Variants in EXD3 observed in about 807,000 individuals in gnomAD.
EXD3 encodes the protein exonuclease 3'-5' domain containing 3.
Under a neutral mutation model 98.0 loss-of-function variants are expected in EXD3, and 92 were observed. The observed-to-expected ratio is 0.94, with a 90% CI of 0.79 to 1.12. The LOEUF (loss-of-function observed/expected upper bound fraction) is 1.12. EXD3 is among the 50% of genes most tolerant of loss of function. EXD3 has a pLI of 0.00. For missense variants in EXD3, 1,222 were observed against 1,191.6 expected (o/e 1.03, Z -0.38); for synonymous variants, 569 against 526.0 (o/e 1.08, Z -1.12).
chr9:137,367,818 G>T, intron 6 of EXD3, 118 bp downstream of exon 6: 2 of 991,638 alleles, frequency 2.0e-6, no homozygotes, highest in African/African-American at 1.6e-5. Flanking sequence ...GCCCCCGATG[G>T]CCCTGCTGTC....
At chr9:137,370,130 G>C (rs1835515584) in intron 5 of EXD3, among the ~76,000 whole-genome samples, 1 of 152,120 alleles carries the variant, frequency 6.6e-6, no homozygotes, top group Non-Finnish European at 1.5e-5. Flanking sequence ...GGGGCTGGGG[G>C]GTGGCTAGTA....
intron 7 of EXD3, among the ~76,000 whole-genome samples, chr9:137,364,320 T>A (rs1835117810): frequency 6.6e-6 from 1 of 151,956 alleles, no homozygotes; most frequent in South Asian, 2.1e-4. Context: ...CTAGGAAAAA[T>A]TTTAAAAATC....
Position 137,323,849 on chromosome 9 carries a change from G to A in EXD3, c.2060C>T (p.Ala687Val). 4.4e-6 allele frequency: 7 copies of A among 1,608,390 alleles called. No homozygotes were observed. The South Asian group carries it at 6.6e-5, about 15-fold the overall frequency. The change falls in exon 19 of 22, where the codon GCC becomes GTC. Residue 687 changes from alanine to valine, a missense_variant. Ala to Val is a moderately conservative substitution (Grantham distance 64). Transcript: ENST00000340951. ...TSGQPFHKLR[A>V]QVGAGRCLSV... Reference sequence around the variant, plus strand: ...GAGGCAGCGCCCAGCCCCGACCTGGGCCCGGAGCTGCAAAGACACGGCTCG... The same window carrying A: ...GAGGCAGCGCCCAGCCCCGACCTGGACCCGGAGCTGCAAAGACACGGCTCG...
intron 1 of EXD3, among the ~76,000 whole-genome samples, chr9:137,417,198 C>T (rs1838276518): frequency 6.6e-6 from 1 of 152,142 alleles, no homozygotes; most frequent in Non-Finnish European, 1.5e-5. Context: ...GGGAGACACA[C>T]GGGTCTGGAC....
Position 137,307,637 on chromosome 9 carries a change from GCCTC to G in EXD3, c.2284_2287del (p.Glu762ProfsTer59). On this transcript the variant is annotated frameshift_variant, in exon 21 of 22. Transcript: ENST00000340951. LOFTEE classifies it low-confidence loss of function (END_TRUNC). The stretch of plus-strand genomic sequence containing the variant: ...CTCCTGCACCGCCTGGCTCTGGGTG[GCCTC>G]GTCACCTGTCAGTCAAGGAAGAGAG... The G allele has an allele frequency of 6.2e-7, 1 of 1,609,888 alleles. No homozygotes were observed. Among genetic ancestry groups the G allele is most frequent in the Admixed American group, 1.7e-5 (1 of 59,994 alleles).
chr9:137,373,076 G>C lies in EXD3; in HGVS notation c.295-4C>G. 1.9e-6 allele frequency: 3 copies of C among 1,561,372 alleles called. No homozygotes were observed. The highest frequency in any genetic ancestry group is 2.6e-6 in the Non-Finnish European group (3 of 1,157,622). ...GCTGCTTCAGCCTCAGGCTGTGCTGGAAGAGCAGGGACCCAGACTTACTGG... is the reference window on the plus strand; with the variant it reads ...GCTGCTTCAGCCTCAGGCTGTGCTGCAAGAGCAGGGACCCAGACTTACTGG... On this transcript the variant is annotated splice_polypyrimidine_tract_variant and splice_region_variant and intron_variant, in intron 4 of 21. Transcript: ENST00000340951.
At position 137,351,400 on chromosome 9, in the gene EXD3, C is replaced by G; in HGVS notation, c.1302G>C (p.Ser434=). 1.9e-6 allele frequency: 3 copies of G among 1,610,080 alleles called. No individual in the cohort carries two copies. The highest frequency in any genetic ancestry group is 2.2e-5 in the South Asian group (2 of 90,500). ...GGGCTCCCTGCCCTGTTGGTGGCTG[C>G]GAGAGTGCCAGGACGTCCAGAAGGA... ...HVFLLDVLAL[S]QPPTGQGAQA... is the part of the protein sequence containing the mutation. The change falls in exon 13 of 22, where the codon TCG becomes TCC. Residue 434 remains serine, a synonymous_variant. Coordinates refer to ENST00000340951, the MANE Select transcript of EXD3 (RefSeq NM_017820.5).
In EXD3 at chr9:137,348,304, A is replaced by G. The variant is rs563531041; in HGVS notation, c.1831-66T>C. 6 of 1,503,792 alleles carry G rather than the reference A, an allele frequency of 4.0e-6. No individual in the cohort carries two copies. In the African/African-American group the frequency reaches 8.4e-5, roughly 21 times the overall value. The allele number at this position is 1,503,792 out of a possible 1,614,324, so 93.2% of individuals were successfully genotyped here. On this transcript the variant is annotated intron_variant, in intron 16 of 21. Transcript: ENST00000340951. ...CAGCCCCTCACAGCCTCAGAGAGCCAGGGCCCTGAGGCTGTGTGGCCAGCA... is the reference window on the plus strand; with the variant it reads ...CAGCCCCTCACAGCCTCAGAGAGCCGGGGCCCTGAGGCTGTGTGGCCAGCA...
At chr9:137,330,172 GCTACACGGGA>G (rs1272858761) in intron 17 of EXD3, among the ~76,000 whole-genome samples, 14 of 121,590 alleles carry the variant, frequency 1.2e-4, no homozygotes, top group Non-Finnish European at 2.0e-4. Context: ...CTACACCGGA[GCTACACGGGA>G]CTACACAGGA....
chr9:137,335,604 C>T (rs778284688), intron 17 of EXD3, among the ~76,000 whole-genome samples: 72 of 152,092 alleles, frequency 4.7e-4, no homozygotes, highest in African/African-American at 1.7e-3. Flanking sequence ...CACTTGAACC[C>T]GGGAGGCGGA....
chr9:137,349,371 G>T lies in EXD3; in HGVS notation c.1655C>A (p.Ala552Glu). The T allele has an allele frequency of 6.3e-7, 1 of 1,587,540 alleles. No homozygotes were observed. Residue 552 changes from alanine (A) to glutamate (E), a missense_variant and splice_region_variant, in exon 15 of 22, where the codon GCA (alanine) becomes GAA (glutamate). Coordinates refer to ENST00000340951, the MANE Select transcript of EXD3 (RefSeq NM_017820.5). This position sits in a 1 kb window ranked among gnomAD's most constrained non-coding sequence, Gnocchi z 7.4. ...CTCCCACCCGCCGCACCGCACACCTGCGTAGATGACCTGCTCCTCGCAGAG... is the reference window on the plus strand; with the variant it reads ...CTCCCACCCGCCGCACCGCACACCTTCGTAGATGACCTGCTCCTCGCAGAG... Reference protein sequence around the residue: ...RPLCEEQVIYAAADAYCLLEV... With the variant: ...RPLCEEQVIYEAADAYCLLEV...
rs1393565828 is a variant in EXD3 at position 137,348,383 on chromosome 9, C to A, written c.1831-145G>T. ...AAAACTGTGTGTGCTGTGCATAAAA[C>A]AGCAGAAACGCAGACAAAATGCAGT... On this transcript the variant is annotated intron_variant, in intron 16 of 21. Coordinates refer to ENST00000340951, the MANE Select transcript of EXD3 (RefSeq NM_017820.5). 39 of 1,027,616 alleles carry A rather than the reference C, an allele frequency of 3.8e-5. 1 individual carries two copies. In the South Asian group the frequency reaches 4.8e-4, roughly 13 times the overall value. 63.7% of individuals were successfully genotyped at this position (1,027,616 alleles called of 1,614,324 possible).
chr9:137,318,323 AC>A (rs1414822464), intron 19 of EXD3, among the ~76,000 whole-genome samples: 1 of 150,652 alleles, frequency 6.6e-6, no homozygotes, highest in Non-Finnish European at 1.5e-5. Flanking sequence ...GGCTGCCGGC[AC>A]CCCCCCTCGT....
At chr9:137,404,860 TA>T (rs34702081) in intron 1 of EXD3, among the ~76,000 whole-genome samples, 39 of 147,166 alleles carry the variant, frequency 2.7e-4, no homozygotes, top group Middle Eastern at 3.4e-3. Context: ...AGCTCTGTCT[TA>T]AAAAAAAAAA....
chr9:137,322,622 A>AC (rs34552001), intron 19 of EXD3, among the ~76,000 whole-genome samples: 4 of 70,594 alleles, frequency 5.7e-5, no homozygotes, highest in Admixed American at 1.5e-4. Context: ...CTCACCCCGG[A>AC]CCACGAGGGA....
At chr9:137,380,859 G>A (rs955340580) in intron 3 of EXD3, among the ~76,000 whole-genome samples, 21 of 150,366 alleles carry the variant, frequency 1.4e-4, no homozygotes, top group Non-Finnish European at 2.5e-4. Flanking sequence ...GACCATCTTG[G>A]GAAGCCGAGG....
chr9:137,308,631 AC>A (rs1831185245), intron 20 of EXD3, among the ~76,000 whole-genome samples: 2 of 123,910 alleles, frequency 1.6e-5, no homozygotes, highest in Non-Finnish European at 3.4e-5. Flanking sequence ...ACTTGGACTG[AC>A]CCTTTTTTTT....
intron 2 of EXD3, among the ~76,000 whole-genome samples, chr9:137,388,296 C>T (rs962639396): frequency 2.2e-4 from 34 of 151,780 alleles, no homozygotes; most frequent in East Asian, 3.9e-4. Context: ...GCGGCCAGGA[C>T]GGCTCCACCA....
intron 10 of EXD3, 24 bp downstream of exon 10, chr9:137,354,315 T>C: frequency 6.2e-7 from 1 of 1,611,644 alleles, no homozygotes; most frequent in Non-Finnish European, 8.5e-7. Context: ...CCCTGCCGGC[T>C]TACAGGCAAG....
Sources: allele counts gnomAD v4.1 joint callset (sites outside exome capture counted in the v4.1 genomes callset), GRCh38; gene constraint gnomAD v4.1.1; non-coding constraint Gnocchi (gnomAD v3.1); transcripts MANE v1.5; gene names NCBI Gene and HGNC (gene_info 2026-07-23, HGNC 2026-07-21).